The following PIF1 variants were observed in gnomAD, a reference collection of about 807,000 sequenced individuals.
PIF1 encodes the protein ATP-dependent DNA helicase PIF1.
A neutral mutation model predicts 62.3 loss-of-function variants in PIF1; 67 were observed. The observed-to-expected ratio is 1.08, with a 90% confidence interval of 0.88 to 1.32. The LOEUF (loss-of-function observed/expected upper bound fraction) is 1.32. PIF1 is among the 40% of genes most tolerant of loss of function. PIF1 has a pLI of 0.00. For missense variants in PIF1, 886 were observed against 866.1 expected (o/e 1.02, Z -0.29); for synonymous variants, 364 against 379.5 (o/e 0.96, Z 0.47).
intron 9 of PIF1, chr15:64,818,585 G>A: frequency 1.9e-6 from 1 of 519,354 alleles, no homozygotes. Flanking sequence ...GAAGGAGGTG[G>A]TAAGGGATCA....
In PIF1 at chr15:64,818,313, CGA is replaced by C. The variant is rs958971251; in HGVS notation, c.1470_1471del (p.Arg491GlyfsTer31). On this transcript the variant is annotated frameshift_variant, in exon 10 of 13. Transcript: ENST00000559239. LOFTEE classifies it high-confidence loss of function. ...CCCTCGGGCACCATTCACCAGGCCC[CGA>C]GACACCGATAAGTTTTTCACCAGCA... 1.2e-5 allele frequency: 20 copies of C among 1,613,960 alleles called. No homozygotes were observed. Among genetic ancestry groups the C allele is most frequent in the Non-Finnish European group, 1.6e-5 (19 of 1,180,004 alleles).
chr15:64,815,908 C>T lies in PIF1; in HGVS notation c.*390G>A, dbSNP rs763505212. 2.4e-5 allele frequency: 37 copies of T among 1,550,494 alleles called. No homozygotes were observed. The South Asian group carries it at 3.8e-4, about 16-fold the overall frequency. On this transcript the variant is annotated 3_prime_UTR_variant, in exon 13 of 13. Transcript: ENST00000559239. ...GTCCCCTCCAAGAGCCCTGATGCTG[C>T]TTCCGGAGCACCTGTCTTCATTGCC...
In PIF1 at chr15:64,825,587, A is replaced by G. The variant is rs2084357592; in HGVS notation, c.-38T>C. ...TCCCCACCTCTGGGTTCGGGCAGAC[A>G]CTCACTTGTGCCGACACTCAGATGA... On this transcript the variant is annotated 5_prime_UTR_variant, in exon 1 of 13. Coordinates refer to ENST00000559239, the MANE Select transcript of PIF1 (RefSeq NM_001286496.2). The G allele has an allele frequency of 6.6e-6, 1 of 152,036 alleles. No homozygotes were observed. Among genetic ancestry groups the G allele is most frequent in the Admixed American group, 6.6e-5 (1 of 15,264 alleles). The allele number at this position is 152,036 out of a possible 1,614,324, so 9.4% of individuals were successfully genotyped here.
Position 64,822,606 on chromosome 15 carries a change from G to A in PIF1, c.563C>T (p.Ala188Val). ...CTTCACAGGCAGGGGCCACCTTGGG[G>A]CTTCCTGGGGGGAACAGAGCTATCT... ...PQAGAEPSTE[A>V]PRWPLPVKRL... Residue 188 changes from alanine (A) to valine (V), a missense_variant, in exon 3 of 13, where the codon GCC (alanine) becomes GTC (valine). By Grantham distance (64) the Ala-to-Val change is moderately conservative. Transcript: ENST00000559239. 1 of 1,613,772 alleles carries A rather than the reference G, an allele frequency of 6.2e-7. No homozygotes were observed.
chr15:64,820,624 T>G (rs1007555993), intron 7 of PIF1, among the ~76,000 whole-genome samples: 2 of 152,192 alleles, frequency 1.3e-5, no homozygotes, highest in Non-Finnish European at 2.9e-5. Context: ...CTCAAACTCC[T>G]GATCTTGTGA....
At position 64,815,885 on chromosome 15, in the gene PIF1, C is replaced by T. The variant is rs752518078; in HGVS notation, c.*413G>A. 5.3e-5 allele frequency: 82 copies of T among 1,550,518 alleles called. 1 individual carries two copies. Among genetic ancestry groups the T allele is most frequent in the Admixed American group, 9.8e-5 (5 of 50,982 alleles). On this transcript the variant is annotated 3_prime_UTR_variant, in exon 13 of 13. Transcript: ENST00000559239. ...GCACCCAGCCTGAGTCCCCACCAGTCCCCTCCAAGAGCCCTGATGCTGCTT... is the reference window on the plus strand; with the variant it reads ...GCACCCAGCCTGAGTCCCCACCAGTTCCCTCCAAGAGCCCTGATGCTGCTT...
chr15:64,816,462 C>A, intron 12 of PIF1, 105 bp from the exon 13 acceptor site: 1 of 1,592,930 alleles, frequency 6.3e-7, no homozygotes, highest in Non-Finnish European at 8.6e-7. Flanking sequence ...CTAAAGGAGC[C>A]AGCAGAGGGC....
At chr15:64,816,517 G>C (rs1224407149) in intron 12 of PIF1, 57 bp downstream of exon 12, 22 of 1,603,542 alleles carry the variant, frequency 1.4e-5, no homozygotes, top group Non-Finnish European at 1.5e-5. Flanking sequence ...CGCTCCCTCT[G>C]TCCTAGCTCC....
In PIF1 at chr15:64,822,468, C is replaced by A. The variant is rs772300460; in HGVS notation, c.691+10G>T. ...CCACTGTCCCCCTACCTCCTCTCTG[C>A]CCCCACTACCTGCACTCCCAGTGAA... On this transcript the variant is annotated intron_variant, in intron 3 of 12. Coordinates refer to ENST00000559239, the MANE Select transcript of PIF1 (RefSeq NM_001286496.2). 21 of 1,614,076 alleles carry A rather than the reference C, an allele frequency of 1.3e-5. No individual in the cohort carries two copies. The highest frequency in any genetic ancestry group is 1.7e-5 in the Admixed American group (1 of 60,014).
intron 12 of PIF1, 81 bp from the exon 13 acceptor site, chr15:64,816,438 T>G: frequency 3.1e-6 from 5 of 1,604,964 alleles, no homozygotes; most frequent in Non-Finnish European, 4.3e-6. Flanking sequence ...ATCTCTTTCC[T>G]TTTGCCCTCA....
chr15:64,826,747 C>CAT (rs1368493045), upstream of PIF1, among the ~76,000 whole-genome samples: 83 of 139,240 alleles, frequency 6.0e-4, no homozygotes, highest in African/African-American at 1.8e-3. Flanking sequence ...TATACACACA[C>CAT]ATATATATAT....
intron 12 of PIF1, 66 bp downstream of exon 12, chr15:64,816,508 G>T: frequency 9.4e-6 from 15 of 1,595,352 alleles, no homozygotes; most frequent in Non-Finnish European, 8.6e-7. Flanking sequence ...CTGGGCCGGC[G>T]CTCCCTCTGT....
upstream of PIF1, among the ~76,000 whole-genome samples, chr15:64,826,661 TATATAC>T (rs1208665017): frequency 7.5e-4 from 20 of 26,590 alleles, no homozygotes; most frequent in African/African-American, 2.0e-3. Flanking sequence ...TATATATATA[TATATAC>T]ACACACACAC....
intron 11 of PIF1, among the ~76,000 whole-genome samples, chr15:64,817,115 T>C (rs2084197093): frequency 6.6e-6 from 1 of 152,026 alleles, no homozygotes; most frequent in Non-Finnish European, 1.5e-5. Context: ...CTATACTTTA[T>C]ACTTGATACA....
chr15:64,816,046 C>T lies in PIF1; in HGVS notation c.*252G>A. 2 of 1,464,218 alleles carry T rather than the reference C, an allele frequency of 1.4e-6. No individual in the cohort carries two copies. The highest frequency in any genetic ancestry group is 1.8e-6 in the Non-Finnish European group (2 of 1,111,724). The allele number at this position is 1,464,218 out of a possible 1,614,324, so 90.7% of individuals were successfully genotyped here. A position where few individuals can be genotyped will look rare whatever the true frequency, so the allele number is the denominator to read the frequency against. Reference sequence around the variant, plus strand: ...AGCTACCACACAGGCTCATTCTCAACTGGCACAGAAAGGGTTACTTCTGAC... The same window carrying T: ...AGCTACCACACAGGCTCATTCTCAATTGGCACAGAAAGGGTTACTTCTGAC... On this transcript the variant is annotated 3_prime_UTR_variant, in exon 13 of 13. Coordinates refer to ENST00000559239, the MANE Select transcript of PIF1 (RefSeq NM_001286496.2).
chr15:64,817,899 G>T (rs2084212617), intron 11 of PIF1, 47 bp downstream of exon 11: 2 of 1,572,854 alleles, frequency 1.3e-6, no homozygotes, highest in Non-Finnish European at 1.7e-6. Context: ...CAACATGCCT[G>T]ACCTCCCTCT....
At position 64,824,992 on chromosome 15, in the gene PIF1, T is replaced by TACACACAC. The variant is rs199650820; in HGVS notation, c.-20+576_-20+577insGTGTGTGT. 1.4e-3 allele frequency among the ~76,000 whole-genome samples: 193 copies of TACACACAC among 136,718 alleles called. 2 individuals are homozygous for TACACACAC. The highest frequency in any genetic ancestry group is 4.9e-3 in the African/African-American group (184 of 37,684). The allele number at this position is 136,718 out of a possible 152,430, so 89.7% of individuals were successfully genotyped here. A position where few individuals can be genotyped will look rare whatever the true frequency, so the allele number is the denominator to read the frequency against. On this transcript the variant is annotated intron_variant, in intron 1 of 12. Coordinates refer to ENST00000559239, the MANE Select transcript of PIF1 (RefSeq NM_001286496.2). The stretch of plus-strand genomic sequence containing the variant: ...ACACACAATATATATACAATTTCTA[T>TACACACAC]ATATATACACACACACACACACACA...
Position 64,821,045 on chromosome 15 carries a change from G to T in PIF1, c.1130C>A (p.Thr377Asn). ...CTGGTCTGCCTGCCTCCACACCTTG[G>T]TCAGCTCCAGGGTCACTGGCACACA... ...KRCVPVTLEL[T>N]KVWRQADQTF... The change falls in exon 7 of 13, where the codon ACC becomes AAC. Residue 377 changes from threonine (T) to asparagine (N), a missense_variant. Transcript: ENST00000559239. 4 of 1,614,090 alleles carry T rather than the reference G, an allele frequency of 2.5e-6. No homozygotes were observed. Among genetic ancestry groups the T allele is most frequent in the Non-Finnish European group, 3.4e-6 (4 of 1,180,016 alleles).
chr15:64,821,635 G>A (rs577034306), intron 4 of PIF1, 115 bp from the exon 5 acceptor site: 10 of 1,292,208 alleles, frequency 7.7e-6, no homozygotes, highest in South Asian at 1.6e-5. Flanking sequence ...GCAGTGGCAC[G>A]ATCTTGGCTC....
Sources: gnomAD v4.1 joint callset for allele counts (sites outside exome capture counted in the v4.1 genomes callset) on GRCh38, gnomAD v4.1.1 for gene constraint, MANE v1.5 for transcripts, NCBI Gene and HGNC (gene_info 2026-07-23, HGNC 2026-07-21) for gene names.